Variants in MPP2 observed in about 807,000 individuals in gnomAD.
The protein encoded by MPP2 is MAGUK p55 scaffold protein 2.
MPP2 carries 42 observed loss-of-function variants against 58.5 expected under a neutral mutation model. The observed-to-expected ratio is 0.72, with a 90% CI of 0.56 to 0.93. The LOEUF (loss-of-function observed/expected upper bound fraction) is 0.93. Among genes scored for constraint, MPP2 ranks in the 40% least tolerant of loss-of-function variants. The probability of loss-of-function intolerance (pLI) is 0.00; values close to 1 mark genes in which losing one functional copy is unlikely to be tolerated. For synonymous variants in MPP2, 300 were observed against 307.8 expected (o/e 0.97, Z 0.26); for missense variants, 632 against 760.4 (o/e 0.83, Z 1.99).
intron 3 of MPP2, among the ~76,000 whole-genome samples, chr17:43,886,851 C>T (rs531227541): frequency 1.3e-5 from 2 of 152,242 alleles, no homozygotes; most frequent in East Asian, 3.9e-4. Context: ...GATTAAGGAC[C>T]ATCTGTATAT....
intron 3 of MPP2, among the ~76,000 whole-genome samples, chr17:43,891,669 G>C (rs1025291237): frequency 6.6e-6 from 1 of 152,170 alleles, no homozygotes; most frequent in African/African-American, 2.4e-5. Flanking sequence ...GCCAAGGTGG[G>C]AGGATCACTT....
intron 3 of MPP2, among the ~76,000 whole-genome samples, chr17:43,895,022 A>G (rs990865863): frequency 1.8e-4 from 28 of 152,186 alleles, no homozygotes; most frequent in African/African-American, 5.1e-4. Context: ...ATGAAATGAC[A>G]TCAATCTCTA....
intron 1 of MPP2, among the ~76,000 whole-genome samples, chr17:43,905,088 G>GA (rs60233366): frequency 0.43 from 65,627 of 151,600 alleles, 14,937 homozygotes; most frequent in East Asian, 0.67. Context: ...GAGGCAGGGG[G>GA]ATCTCTTGAG....
intron 3 of MPP2, among the ~76,000 whole-genome samples, chr17:43,887,932 C>T (rs2143631832): frequency 6.6e-6 from 1 of 152,032 alleles, no homozygotes; most frequent in East Asian, 1.9e-4. Flanking sequence ...CTGAGATGTA[C>T]TCCAAAACAA....
chr17:43,903,060 T>C (rs1286834986), intron 2 of MPP2, among the ~76,000 whole-genome samples: 1 of 152,040 alleles, frequency 6.6e-6, no homozygotes, highest in Non-Finnish European at 1.5e-5. Context: ...CCAAGGCAGG[T>C]GGATCACCTG....
chr17:43,887,895 A>AGT, intron 3 of MPP2, among the ~76,000 whole-genome samples: 1 of 152,306 alleles, frequency 6.6e-6, no homozygotes, highest in East Asian at 1.9e-4. Context: ...TACACAATGA[A>AGT]ACACTTGCAG....
chr17:43,908,877 G>A (rs1437527344), upstream of MPP2, among the ~76,000 whole-genome samples: 2 of 152,134 alleles, frequency 1.3e-5, no homozygotes, highest in African/African-American at 4.8e-5. Flanking sequence ...CCACAGAGGC[G>A]GCCGAACTGC....
chr17:43,892,783 G>A (rs2143678802), intron 3 of MPP2, among the ~76,000 whole-genome samples: 1 of 152,294 alleles, frequency 6.6e-6, no homozygotes, highest in African/African-American at 2.4e-5. Context: ...TTCCAGAGAA[G>A]GGAGTTTACT....
chr17:43,906,156 A>G (rs1208664386), intron 1 of MPP2: 9 of 983,414 alleles, frequency 9.2e-6, no homozygotes, highest in Non-Finnish European at 1.1e-5. Flanking sequence ...CCTTCCCTAG[A>G]GCGTGGAGGG....
At chr17:43,908,954 C>T (rs111604922), upstream of MPP2, among the ~76,000 whole-genome samples, 3 of 152,302 alleles carry the variant, frequency 2.0e-5, no homozygotes, top group African/African-American at 7.2e-5. Context: ...ACCCAGATAG[C>T]TTTGACAGGA....
chr17:43,884,715 TTA>T (rs1386545360), intron 3 of MPP2, among the ~76,000 whole-genome samples: 1 of 152,248 alleles, frequency 6.6e-6, no homozygotes, highest in Non-Finnish European at 1.5e-5. Context: ...ACCAATGGAT[TTA>T]GTGTCAATTT....
At chr17:43,906,617 G>A (rs1212488093) in intron 1 of MPP2, among the ~76,000 whole-genome samples, 1 of 152,186 alleles carries the variant, frequency 6.6e-6, no homozygotes, top group East Asian at 1.9e-4. Flanking sequence ...TCGCGGGGAG[G>A]TCTGGACAGA....
chr17:43,904,136 T>C lies in MPP2; in HGVS notation c.31+294A>G, dbSNP rs149390703. 3.4e-3 allele frequency among the ~76,000 whole-genome samples: 513 copies of C among 152,252 alleles called. 2 individuals carry two copies. Among genetic ancestry groups the C allele is most frequent in the African/African-American group, 0.012 (496 of 41,548 alleles). ...GTCCTATGCCACTGCCCTCCAGCAA[T>C]AGTACGGGTCACCTCTGGAGCATGC... is the stretch of plus-strand genomic sequence containing the variant. On this transcript the variant is annotated intron_variant, in intron 2 of 12. Transcript: ENST00000269095.
intron 1 of MPP2, among the ~76,000 whole-genome samples, chr17:43,906,460 C>T (rs1342748458): frequency 6.6e-6 from 1 of 152,222 alleles, no homozygotes; most frequent in African/African-American, 2.4e-5. Flanking sequence ...TCCGAGATAT[C>T]CACATCACCC....
chr17:43,904,419 C>T lies in MPP2; in HGVS notation c.31+11G>A, dbSNP rs201428156. 6.2e-7 allele frequency: 1 copy of T among 1,613,728 alleles called. No individual in the cohort carries two copies. Among genetic ancestry groups the T allele is most frequent in the East Asian group, 2.2e-5 (1 of 44,870 alleles). On this transcript the variant is annotated intron_variant, in intron 2 of 12. Coordinates refer to ENST00000269095, the MANE Select transcript of MPP2 (RefSeq NM_005374.5). ...CACTGAAATAAGCTAACATCCTCAC[C>T]CCCTTCTTACCAGTTTCAGAGTTGG...
At position 43,879,454 on chromosome 17, in the gene MPP2, G is replaced by A; in HGVS notation, c.1354-51C>T. The stretch of plus-strand genomic sequence containing the variant: ...GAGTATATCCCCATGTCTGTCCTAG[G>A]AACCAGAGAAAGGCTGTGAGGGTAA... On this transcript the variant is annotated intron_variant, in intron 11 of 12. Coordinates refer to ENST00000269095, the MANE Select transcript of MPP2 (RefSeq NM_005374.5). This position sits in a 1 kb window ranked among gnomAD's most constrained non-coding sequence, Gnocchi z 4.1. 1 of 1,605,028 alleles carries A rather than the reference G, an allele frequency of 6.2e-7. No individual in the cohort carries two copies. Among genetic ancestry groups the A allele is most frequent in the Non-Finnish European group, 8.5e-7 (1 of 1,173,592 alleles).
chr17:43,894,598 C>T (rs1477802391), intron 3 of MPP2, among the ~76,000 whole-genome samples: 1 of 109,546 alleles, frequency 9.1e-6, no homozygotes, highest in African/African-American at 3.5e-5. Context: ...GCCTGGGCAA[C>T]AGAGTGAGAC....
At chr17:43,882,086 C>T (rs1293587141) in intron 6 of MPP2, among the ~76,000 whole-genome samples, 198 bp downstream of exon 6, 1 of 152,248 alleles carries the variant, frequency 6.6e-6, no homozygotes, top group Non-Finnish European at 1.5e-5. Flanking sequence ...ATAATACCAG[C>T]CAATGTGGGA....
At chr17:43,900,192 G>A (rs778491980) in intron 2 of MPP2, among the ~76,000 whole-genome samples, 55 of 152,216 alleles carry the variant, frequency 3.6e-4, no homozygotes, top group Non-Finnish European at 6.2e-4. Context: ...GCCCAGGCCG[G>A]GGCTTGGCAT....
Sources: gnomAD v4.1 joint callset for allele counts (sites outside exome capture counted in the v4.1 genomes callset) on GRCh38, gnomAD v4.1.1 for gene constraint, Gnocchi (gnomAD v3.1) non-coding constraint, MANE v1.5 for transcripts, NCBI Gene and HGNC (gene_info 2026-07-23, HGNC 2026-07-21) for gene names.